The following PIR variants were observed in gnomAD, a reference collection of about 807,000 sequenced individuals.
PIR encodes pirin, also known as pirin (iron-binding nuclear protein).
Under a neutral mutation model 24.2 loss-of-function variants are expected in PIR, and 22 were observed. The ratio of observed to expected loss-of-function variants is 0.91; its 90% CI spans 0.65 to 1.30. The LOEUF is 1.30. Ranked by LOEUF, PIR falls within the 50% of genes most tolerant of loss-of-function variation. The pLI is 0.00. For missense variants in PIR, 220 were observed against 220.3 expected (o/e 1.00, Z 0.01); for synonymous variants, 80 against 79.6 (o/e 1.00, Z -0.03).
At chrX:15,449,049 C>T (rs918415206) in intron 5 of PIR, among the ~76,000 whole-genome samples, 12 of 111,204 alleles carry the variant, frequency 1.1e-4, no homozygotes, top group African/African-American at 2.9e-4. Flanking sequence ...AATTAAATGC[C>T]GTCCGCCCAA....
chrX:15,450,343 C>T (rs62578866), intron 5 of PIR, among the ~76,000 whole-genome samples: 27,743 of 110,508 alleles, frequency 0.25, 2,737 homozygotes, highest in East Asian at 0.51. Context: ...CCCAGTGCCC[C>T]TCTCACACTC....
intron 6 of PIR, among the ~76,000 whole-genome samples, chrX:15,415,592 A>G (rs1310322876): frequency 1.8e-5 from 2 of 112,080 alleles, no homozygotes; most frequent in East Asian, 5.5e-4. Flanking sequence ...ATAACAATGT[A>G]TTGTATTCTT....
At chrX:15,419,075 T>C (rs1315186593) in intron 6 of PIR, among the ~76,000 whole-genome samples, 3 of 108,218 alleles carry the variant, frequency 2.8e-5, no homozygotes, top group Non-Finnish European at 5.7e-5. Flanking sequence ...ATAAAAAGAA[T>C]CTAGACAGTC....
intron 5 of PIR, among the ~76,000 whole-genome samples, chrX:15,445,916 G>A (rs1205557619): frequency 1.2e-5 from 1 of 86,404 alleles, no homozygotes; most frequent in African/African-American, 4.6e-5. Context: ...TGCAAGCTCC[G>A]CCTCCCGGGT....
At chrX:15,401,266 A>G (rs1256142200) in intron 7 of PIR, among the ~76,000 whole-genome samples, 3 of 107,605 alleles carry the variant, frequency 2.8e-5, no homozygotes, top group Non-Finnish European at 5.7e-5. Flanking sequence ...TATGTTGCCC[A>G]GGCTGGTCTC....
At chrX:15,459,509 G>A (rs775247207) in intron 4 of PIR, 148 bp downstream of exon 4, 2 of 416,998 alleles carry the variant, frequency 4.8e-6, no homozygotes, top group African/African-American at 2.4e-5. Flanking sequence ...GTGGTTTCCA[G>A]GCTGAGTAAA....
intron 2 of PIR, among the ~76,000 whole-genome samples, chrX:15,481,314 C>T (rs537754517): frequency 2.7e-5 from 3 of 112,332 alleles, no homozygotes; most frequent in African/African-American, 9.7e-5. Flanking sequence ...TTGTCATCAA[C>T]ATATGTTTGT....
chrX:15,390,206 T>C lies in PIR; in HGVS notation c.739A>G (p.Arg247Gly). 6 of 1,152,324 alleles carry C rather than the reference T, an allele frequency of 5.2e-6. No homozygotes were observed. The highest frequency in any genetic ancestry group is 7.0e-6 in the Non-Finnish European group (6 of 853,406). The allele number at this position is 1,152,324 out of a possible 1,213,427, so 95.0% of individuals were successfully genotyped here. A position where few individuals can be genotyped will look rare whatever the true frequency, so the allele number is the denominator to read the frequency against. ...TTACCATGTTGGATAACTGGTTCTC[T>C]TAATGGCTCCCCAGCAATTAAGACA... ...HFVLIAGEPL[R>G]EPVIQHGPFV... Residue 247 changes from arginine (R) to glycine (G), a missense_variant, in exon 9 of 10, where the codon AGA becomes GGA. Physicochemically the swap from Arg to Gly is moderately radical, Grantham distance 125. Coordinates refer to ENST00000380420, the MANE Select transcript of PIR (RefSeq NM_001018109.3).
At chrX:15,473,853 C>A (rs1337898222) in intron 3 of PIR, among the ~76,000 whole-genome samples, 10 of 112,700 alleles carry the variant, frequency 8.9e-5, no homozygotes. Flanking sequence ...CCGCGCCCAG[C>A]CTCTGTTTTT....
rs1923256141 is a variant in PIR, at chrX:15,493,250, G to T, written c.-113C>A. 1 of 112,386 alleles carries T rather than the reference G, an allele frequency of 8.9e-6. No homozygotes were observed. Among genetic ancestry groups the T allele is most frequent in the South Asian group, 3.7e-4 (1 of 2,703 alleles). 9.3% of individuals were successfully genotyped at this position (112,386 alleles called of 1,213,427 possible). On this transcript the variant is annotated 5_prime_UTR_variant, in exon 1 of 10. Transcript: ENST00000380420. ...GGTGACGCGAAGAGCCGCCGGGAGC[G>T]AGTGCAGGGAGGGCAGGTTAAGAGA...
chrX:15,478,035 T>A (rs1175356632), intron 3 of PIR, among the ~76,000 whole-genome samples: 1 of 101,564 alleles, frequency 9.8e-6, no homozygotes, highest in Non-Finnish European at 2.0e-5. Flanking sequence ...CAGAAAGCAT[T>A]TTCCATAATG....
intron 8 of PIR, among the ~76,000 whole-genome samples, chrX:15,393,423 A>G (rs1240315427): frequency 2.7e-5 from 3 of 111,708 alleles, no homozygotes; most frequent in African/African-American, 9.8e-5. Flanking sequence ...TCAAGATGGC[A>G]GTAGGACTCT....
chrX:15,478,468 G>A (rs1486386511), intron 3 of PIR: 1 of 111,939 alleles, frequency 8.9e-6, no homozygotes, highest in East Asian at 2.8e-4. Context: ...AGCACAGAGT[G>A]GAGACATCTT....
chrX:15,445,923 G>A (rs541771748), intron 5 of PIR, among the ~76,000 whole-genome samples: 2 of 92,351 alleles, frequency 2.2e-5, no homozygotes, highest in South Asian at 1.1e-3. Context: ...TCCGCCTCCC[G>A]GGTTCACGCC....
chrX:15,399,127 A>G (rs939125040), intron 7 of PIR, among the ~76,000 whole-genome samples: 2 of 111,549 alleles, frequency 1.8e-5, no homozygotes, highest in African/African-American at 6.5e-5. Flanking sequence ...GGCAGGAGAG[A>G]GAAGGTTTCA....
chrX:15,434,728 T>C (rs1925693487), intron 5 of PIR, among the ~76,000 whole-genome samples: 1 of 109,501 alleles, frequency 9.1e-6, no homozygotes, highest in Admixed American at 9.7e-5. Flanking sequence ...TTTTTTTTTT[T>C]CAATAAAGTA....
chrX:15,389,492 G>A (rs192902752), intron 9 of PIR, among the ~76,000 whole-genome samples: 10 of 112,038 alleles, frequency 8.9e-5, no homozygotes, highest in Non-Finnish European at 1.3e-4. Flanking sequence ...TTTAATGCAC[G>A]TTGAATTTAA....
chrX:15,412,755 G>A (rs1382143151), intron 6 of PIR, among the ~76,000 whole-genome samples: 3 of 112,003 alleles, frequency 2.7e-5, no homozygotes, highest in African/African-American at 9.7e-5. Context: ...CTCTTGGGGA[G>A]TGGGGAAACA....
chrX:15,473,625 T>C (rs927703082), intron 3 of PIR, among the ~76,000 whole-genome samples: 3 of 111,277 alleles, frequency 2.7e-5, no homozygotes, highest in Non-Finnish European at 3.8e-5. Context: ...GGCGCAATCT[T>C]GGCTCACTGC....
Sources: gnomAD v4.1 joint callset for allele counts (sites outside exome capture counted in the v4.1 genomes callset) on GRCh38, gnomAD v4.1.1 for gene constraint, MANE v1.5 for transcripts, NCBI Gene and HGNC (gene_info 2026-07-23, HGNC 2026-07-21) for gene names.